Variants in ANO2 observed in about 807,000 individuals in gnomAD.
The protein encoded by ANO2 is anoctamin 2.
Under a neutral mutation model 124.2 loss-of-function variants are expected in ANO2, and 101 were observed. The observed-to-expected ratio is 0.81, with a 90% CI of 0.69 to 0.96. The LOEUF is 0.96. Ranked by LOEUF, ANO2 falls within the 40% of genes least tolerant of loss-of-function variation. ANO2 has a pLI of 0.00. For synonymous variants in ANO2, 486 were observed against 482.5 expected, an observed-to-expected ratio of 1.01 and a Z score of -0.09; for missense variants, 1,293 against 1,274.5, an observed-to-expected ratio of 1.01 and a Z score of -0.22.
chr12:5,847,773 G>T (rs1954728905), intron 4 of ANO2, among the ~76,000 whole-genome samples: 1 of 152,110 alleles, frequency 6.6e-6, no homozygotes, highest in Non-Finnish European at 1.5e-5. Flanking sequence ...AAGTTTCTTT[G>T]CTTTCTAACT....
At chr12:5,745,123 G>A (rs1480173418) in intron 11 of ANO2, among the ~76,000 whole-genome samples, 2 of 152,068 alleles carry the variant, frequency 1.3e-5, no homozygotes, top group South Asian at 2.1e-4. Flanking sequence ...CCATTCATTC[G>A]TTAGCTGACT....
intron 1 of ANO2, among the ~76,000 whole-genome samples, chr12:5,934,690 T>C (rs1372606543): frequency 6.6e-6 from 1 of 152,160 alleles, no homozygotes; most frequent in Non-Finnish European, 1.5e-5. Flanking sequence ...TCAAAACTGG[T>C]CTGTTGGCTC....
chr12:5,603,480 A>G (rs372458815), intron 19 of ANO2, among the ~76,000 whole-genome samples: 8 of 151,552 alleles, frequency 5.3e-5, no homozygotes, highest in East Asian at 3.9e-4. Flanking sequence ...ATTTAAGACT[A>G]AATAATGAAA....
chr12:5,807,859 G>A (rs1396326236), intron 7 of ANO2, among the ~76,000 whole-genome samples: 2 of 152,214 alleles, frequency 1.3e-5, no homozygotes, highest in Non-Finnish European at 2.9e-5. Context: ...AAGCAACAGG[G>A]CAGTGGTTCT....
intron 20 of ANO2, among the ~76,000 whole-genome samples, chr12:5,594,703 C>T (rs943508921): frequency 1.3e-5 from 2 of 151,980 alleles, no homozygotes; most frequent in Admixed American, 6.6e-5. Flanking sequence ...CTGGGTTTGG[C>T]GGTGCATGCC....
At chr12:5,694,736 T>C (rs546566930) in intron 14 of ANO2, among the ~76,000 whole-genome samples, 14 of 151,930 alleles carry the variant, frequency 9.2e-5, no homozygotes, top group African/African-American at 3.4e-4. Flanking sequence ...TTTCTTTGTT[T>C]TGTTTGTTTG....
chr12:5,584,126 T>C (rs1942943362), intron 20 of ANO2: 2 of 173,920 alleles, frequency 1.1e-5, no homozygotes, highest in South Asian at 2.0e-4. Flanking sequence ...CTTAATTTAA[T>C]GAACACCCCC....
chr12:5,690,303 T>C (rs1948876336), intron 14 of ANO2, among the ~76,000 whole-genome samples: 1 of 152,096 alleles, frequency 6.6e-6, no homozygotes, highest in South Asian at 2.1e-4. Flanking sequence ...GCCTCAATAT[T>C]TTCTCACTCT....
chr12:5,632,344 A>C (rs1267199594), intron 16 of ANO2, among the ~76,000 whole-genome samples: 1 of 151,948 alleles, frequency 6.6e-6, no homozygotes, highest in Non-Finnish European at 1.5e-5. Context: ...TAGAGGTAGA[A>C]TCTGAGTCTG....
At chr12:5,694,455 A>G (rs7314787) in intron 14 of ANO2, among the ~76,000 whole-genome samples, 56,033 of 151,894 alleles carry the variant, frequency 0.37, 12,263 homozygotes, top group East Asian at 0.59. Context: ...CCTAAGACCC[A>G]CGCTAGGATC....
intron 23 of ANO2, among the ~76,000 whole-genome samples, chr12:5,569,327 C>T (rs1941964663): frequency 2.0e-5 from 3 of 149,836 alleles, no homozygotes; most frequent in Non-Finnish European, 4.4e-5. Context: ...TGAGCCCCCA[C>T]AACTGGTCAG....
chr12:5,748,775 T>C (rs1435640870), intron 11 of ANO2, among the ~76,000 whole-genome samples: 3 of 148,422 alleles, frequency 2.0e-5, no homozygotes, highest in Admixed American at 6.8e-5. Context: ...TAATAACCCA[T>C]CTCCTGTGAT....
At chr12:5,828,384 G>A (rs1384645377) in intron 6 of ANO2, among the ~76,000 whole-genome samples, 1 of 152,208 alleles carries the variant, frequency 6.6e-6, no homozygotes, top group Non-Finnish European at 1.5e-5. Flanking sequence ...GCTTGCATCT[G>A]TAATGGGGCC....
chr12:5,835,364 C>A (rs7136689), intron 4 of ANO2, among the ~76,000 whole-genome samples: 31,907 of 151,982 alleles, frequency 0.21, 3,715 homozygotes, highest in African/African-American at 0.25. Flanking sequence ...CTACACAAGG[C>A]AGTGGAAGAC....
intron 16 of ANO2, among the ~76,000 whole-genome samples, chr12:5,628,687 T>TGC (rs111973914): frequency 0.024 from 3,459 of 145,978 alleles, 126 homozygotes; most frequent in African/African-American, 0.086. Flanking sequence ...TGTGTGTGTG[T>TGC]GCGCGCGCGC....
rs1362293554 is a variant in ANO2 at position 5,830,417 on chromosome 12, G to A, written c.840+18C>T. The stretch of plus-strand genomic sequence containing the variant: ...TTTCCCCATCCTCTTTCCTAACACA[G>A]TACATCCATTTACTTACAATGCGGC... On this transcript the variant is annotated intron_variant, in intron 6 of 24. Transcript: ENST00000682330. 2 of 1,611,174 alleles carry A rather than the reference G, an allele frequency of 1.2e-6. No individual in the cohort carries two copies. The highest frequency in any genetic ancestry group is 1.7e-6 in the Non-Finnish European group (2 of 1,178,636).
chr12:5,673,683 G>A (rs1948112681), intron 14 of ANO2, among the ~76,000 whole-genome samples: 1 of 152,180 alleles, frequency 6.6e-6, no homozygotes, highest in African/African-American at 2.4e-5. Context: ...TAAAGAGACA[G>A]GGAATTGGAT....
At chr12:5,816,770 C>T (rs1415457035) in intron 7 of ANO2, among the ~76,000 whole-genome samples, 1 of 152,148 alleles carries the variant, frequency 6.6e-6, no homozygotes, top group Non-Finnish European at 1.5e-5. Context: ...TAATTGCCTC[C>T]TCCCCTGTGT....
intron 14 of ANO2, among the ~76,000 whole-genome samples, chr12:5,671,309 A>G (rs1001635709): frequency 6.6e-6 from 1 of 152,154 alleles, no homozygotes; most frequent in Non-Finnish European, 1.5e-5. Flanking sequence ...AGGTATACAT[A>G]ACACACAGGG....
Sources: allele counts gnomAD v4.1 joint callset (sites outside exome capture counted in the v4.1 genomes callset), GRCh38; gene constraint gnomAD v4.1.1; transcripts MANE v1.5; gene names NCBI Gene and HGNC (gene_info 2026-07-23, HGNC 2026-07-21).